MAP3K20: variants seen among roughly 807,000 people sequenced by gnomAD.
The protein encoded by MAP3K20 is mitogen-activated protein kinase kinase kinase 20, also known as HCCS-4.
Under a neutral mutation model 85.7 loss-of-function variants are expected in MAP3K20, and 40 were observed. The observed-to-expected ratio is 0.47, with a 90% CI of 0.36 to 0.61. The LOEUF is 0.61. Ranked by LOEUF, MAP3K20 falls within the 20% of genes least tolerant of loss-of-function variation. The pLI is 0.00. For missense variants in MAP3K20, 817 were observed against 961.7 expected, an observed-to-expected ratio of 0.85 and a Z score of 1.99; for synonymous variants, 325 against 327.7, an observed-to-expected ratio of 0.99 and a Z score of 0.09.
intron 2 of MAP3K20, among the ~76,000 whole-genome samples, chr2:173,133,482 A>G (rs1175089988): frequency 1.3e-5 from 2 of 152,260 alleles, no homozygotes; most frequent in South Asian, 2.1e-4. Context: ...TACAACCATA[A>G]ATTAAGAGAT....
intron 9 of MAP3K20, among the ~76,000 whole-genome samples, chr2:173,204,207 C>G (rs1683589065): frequency 6.6e-6 from 1 of 152,136 alleles, no homozygotes; most frequent in Non-Finnish European, 1.5e-5. Flanking sequence ...AGGCACTGTT[C>G]CAAACACTTT....
At chr2:173,109,324 G>T (rs1274058035) in intron 2 of MAP3K20, among the ~76,000 whole-genome samples, 1 of 152,134 alleles carries the variant, frequency 6.6e-6, no homozygotes, top group African/African-American at 2.4e-5. Flanking sequence ...ATGCTTTAGG[G>T]TTTTGCCTTT....
chr2:173,195,977 G>T (rs1431530951), intron 7 of MAP3K20, among the ~76,000 whole-genome samples: 1 of 152,086 alleles, frequency 6.6e-6, no homozygotes, highest in Non-Finnish European at 1.5e-5. Context: ...GAATATTTTG[G>T]AATCAAGAAT....
intron 2 of MAP3K20, among the ~76,000 whole-genome samples, chr2:173,161,714 T>G (rs1429068612): frequency 1.3e-5 from 2 of 152,204 alleles, no homozygotes; most frequent in Non-Finnish European, 2.9e-5. Context: ...CCGAGTAGGT[T>G]GAAGTCCATC....
intron 16 of MAP3K20, among the ~76,000 whole-genome samples, chr2:173,253,073 G>C (rs1018276732): frequency 5.9e-5 from 9 of 151,962 alleles, no homozygotes; most frequent in Admixed American, 2.0e-4. Context: ...CCCCCTGCAC[G>C]CCCAGACTCC....
chr2:173,228,286 A>T (rs953691833), intron 11 of MAP3K20, among the ~76,000 whole-genome samples: 5 of 151,786 alleles, frequency 3.3e-5, no homozygotes, highest in African/African-American at 1.2e-4. Flanking sequence ...ACATGAACTC[A>T]CTGCCTTCCA....
intron 2 of MAP3K20, among the ~76,000 whole-genome samples, chr2:173,101,906 G>A (rs1369743858): frequency 6.6e-6 from 1 of 152,140 alleles, no homozygotes; most frequent in East Asian, 1.9e-4. Flanking sequence ...AGGACATCCA[G>A]TTTCTGTTTG....
chr2:173,172,236 C>A (rs927423338), intron 3 of MAP3K20, among the ~76,000 whole-genome samples: 1 of 152,056 alleles, frequency 6.6e-6, no homozygotes, highest in Admixed American at 6.5e-5. Flanking sequence ...CAGCCCCAGC[C>A]AGATACCCCT....
At chr2:173,076,192 G>GGCGGGCGAGCGA (rs1553561445) in intron 1 of MAP3K20, among the ~76,000 whole-genome samples, 190 bp downstream of exon 1, 1 of 151,508 alleles carries the variant, frequency 6.6e-6, no homozygotes, top group Non-Finnish European at 1.5e-5. Context: ...GGAGCGAGCG[G>GGCGGGCGAGCGA]GCGGGCGAGC....
intron 9 of MAP3K20, among the ~76,000 whole-genome samples, chr2:173,204,222 ATGTT>A (rs1341947881): frequency 2.6e-5 from 4 of 152,230 alleles, no homozygotes; most frequent in African/African-American, 9.6e-5. Context: ...CACTTTATGT[ATGTT>A]AACTCATTTA....
At chr2:173,108,105 A>G (rs1386206801) in intron 2 of MAP3K20, among the ~76,000 whole-genome samples, 1 of 151,408 alleles carries the variant, frequency 6.6e-6, no homozygotes, top group Non-Finnish European at 1.5e-5. Flanking sequence ...TTTACTTACT[A>G]TATTTTGTGT....
intron 9 of MAP3K20, among the ~76,000 whole-genome samples, chr2:173,209,104 CA>C (rs1183574021): frequency 6.6e-6 from 1 of 152,066 alleles, no homozygotes; most frequent in East Asian, 1.9e-4. Context: ...CTTTTAGGTT[CA>C]GGGGCACATG....
chr2:173,181,671 A>G (rs1690330885), intron 3 of MAP3K20, among the ~76,000 whole-genome samples: 1 of 152,236 alleles, frequency 6.6e-6, no homozygotes, highest in African/African-American at 2.4e-5. Context: ...AACCAAATGT[A>G]GTATATCCAT....
chr2:173,110,507 T>G (rs368736941), intron 2 of MAP3K20, among the ~76,000 whole-genome samples: 257 of 151,926 alleles, frequency 1.7e-3, no homozygotes, highest in South Asian at 1.9e-3. Context: ...TTTGTGAGAT[T>G]TGGGTGCCTC....
intron 11 of MAP3K20, chr2:173,222,217 A>G: frequency 5.1e-6 from 5 of 985,440 alleles, no homozygotes; most frequent in Non-Finnish European, 6.0e-6. Context: ...AAAAACAAAA[A>G]AAAGAAAGAA....
At chr2:173,170,926 G>C (rs993410354) in intron 3 of MAP3K20, among the ~76,000 whole-genome samples, 2 of 152,184 alleles carry the variant, frequency 1.3e-5, no homozygotes, top group African/African-American at 2.4e-5. Context: ...GCTGTGAGCT[G>C]ACTGGTTCTT....
At chr2:173,242,451 AGCAACTGC>A (rs1310686098) in intron 16 of MAP3K20, among the ~76,000 whole-genome samples, 1 of 152,102 alleles carries the variant, frequency 6.6e-6, no homozygotes, top group African/African-American at 2.4e-5. Context: ...TACAGGCGTG[AGCAACTGC>A]GCCTGGCCAA....
intron 3 of MAP3K20, among the ~76,000 whole-genome samples, chr2:173,181,041 AAAAC>A (rs1185799315): frequency 6.6e-6 from 1 of 152,244 alleles, no homozygotes; most frequent in Non-Finnish European, 1.5e-5. Flanking sequence ...AGAACTCAAT[AAAAC>A]AACCCAGTGT....
chr2:173,197,785 T>C (rs528559933), intron 7 of MAP3K20: 233 of 210,810 alleles, frequency 1.1e-3, no homozygotes, highest in Non-Finnish European at 1.8e-3. Flanking sequence ...TTTCATAAAA[T>C]TTTAAGTCTG....
Sources: gnomAD v4.1 joint callset for allele counts (sites outside exome capture counted in the v4.1 genomes callset) on GRCh38, gnomAD v4.1.1 for gene constraint, MANE v1.5 for transcripts, NCBI Gene and HGNC (gene_info 2026-07-23, HGNC 2026-07-21) for gene names.